Variants in ITCH observed in about 807,000 individuals in gnomAD.
ITCH encodes the protein itchy E3 ubiquitin protein ligase.
A neutral mutation model predicts 126.8 loss-of-function variants in ITCH; 28 were observed. The ratio of observed to expected loss-of-function variants is 0.22; its 90% CI spans 0.16 to 0.30. The LOEUF (loss-of-function observed/expected upper bound fraction) is 0.30, where lower values mean the gene tolerates loss of function less well. ITCH is among the 10% of genes least tolerant of loss of function. The pLI is 1.00. For synonymous variants in ITCH, 342 were observed against 340.0 expected (o/e 1.01, Z -0.06); for missense variants, 631 against 1,032.4 (o/e 0.61, Z 5.33).
chr20:34,479,965 C>T (rs557623362), intron 18 of ITCH, among the ~76,000 whole-genome samples, 176 bp downstream of exon 18: 1 of 152,288 alleles, frequency 6.6e-6, no homozygotes, highest in Non-Finnish European at 1.5e-5. Context: ...GTGACACGAT[C>T]TTGGCTCACT....
intron 12 of ITCH, among the ~76,000 whole-genome samples, chr20:34,453,872 T>C (rs1465424458): frequency 6.6e-6 from 1 of 151,528 alleles, no homozygotes; most frequent in African/African-American, 2.4e-5. Flanking sequence ...TGGACGTCTG[T>C]AGTACCAGCT....
intron 7 of ITCH, among the ~76,000 whole-genome samples, chr20:34,430,964 G>C (rs1031150054): frequency 1.7e-4 from 26 of 152,316 alleles, no homozygotes; most frequent in African/African-American, 6.0e-4. Context: ...AGAGTAGAGG[G>C]AGAATGTGAA....
At position 34,509,940 on chromosome 20, in the gene ITCH, T is replaced by C. The variant is rs1454640757; in HGVS notation, c.*2146T>C. ...TTTTTTGGTTCTATATAATGCTTCA[T>C]GATTCATTTAGGGACCTAGAAATAT... On this transcript the variant is annotated 3_prime_UTR_variant, in exon 25 of 25. Coordinates refer to ENST00000374864, the MANE Select transcript of ITCH (RefSeq NM_031483.7). 1 of 152,626 alleles carries C rather than the reference T, an allele frequency of 6.6e-6. No individual in the cohort carries two copies. Among genetic ancestry groups the C allele is most frequent in the Non-Finnish European group, 1.5e-5 (1 of 68,036 alleles). 9.5% of individuals were successfully genotyped at this position (152,626 alleles called of 1,614,324 possible).
Position 34,501,087 on chromosome 20 carries a change from G to T in ITCH, c.2417-3244G>T, listed in dbSNP as rs192601176. Among the ~76,000 whole-genome samples, 56 of 152,312 alleles carry T rather than the reference G, an allele frequency of 3.7e-4. No individual in the cohort carries two copies. The East Asian group carries it at 9.5e-3, about 26-fold the overall frequency. Reference sequence around the variant, plus strand: ...ATCTCATTCTCTCCTGGTCTGTAAGGTTTCTGCAGAGGCAGCCATCTAGTT... The same window carrying T: ...ATCTCATTCTCTCCTGGTCTGTAAGTTTTCTGCAGAGGCAGCCATCTAGTT... On this transcript the variant is annotated intron_variant, in intron 23 of 24. Coordinates refer to ENST00000374864, the MANE Select transcript of ITCH (RefSeq NM_031483.7).
chr20:34,390,876 CGAGTAGCTG>C (rs2038466163), intron 2 of ITCH, among the ~76,000 whole-genome samples: 2 of 151,862 alleles, frequency 1.3e-5, no homozygotes, highest in South Asian at 4.2e-4. Context: ...CTCAGACTTC[CGAGTAGCTG>C]GAATTACAAG....
At chr20:34,367,793 G>T (rs989888810) in intron 1 of ITCH, among the ~76,000 whole-genome samples, 25 of 152,258 alleles carry the variant, frequency 1.6e-4, no homozygotes, top group African/African-American at 5.5e-4. Flanking sequence ...ACTGGGTTTT[G>T]CAACTCTGGG....
intron 3 of ITCH, among the ~76,000 whole-genome samples, chr20:34,396,485 C>A (rs556215600): frequency 6.6e-6 from 1 of 151,872 alleles, no homozygotes; most frequent in Non-Finnish European, 1.5e-5. Flanking sequence ...TGTGTGCGCG[C>A]GTGCATATGT....
intron 22 of ITCH, 138 bp from the exon 23 acceptor site, chr20:34,492,363 C>A: frequency 1.7e-6 from 1 of 595,000 alleles, no homozygotes. Flanking sequence ...CATCACTGCA[C>A]CCCAGCCTGG....
chr20:34,374,086 T>C (rs1029845589), intron 2 of ITCH, among the ~76,000 whole-genome samples: 10 of 152,242 alleles, frequency 6.6e-5, no homozygotes, highest in Admixed American at 3.9e-4. Context: ...GGTTTCACCA[T>C]GTTGGCCAGG....
chr20:34,470,327 A>G (rs1238268418), intron 15 of ITCH, among the ~76,000 whole-genome samples: 1 of 152,076 alleles, frequency 6.6e-6, no homozygotes, highest in Non-Finnish European at 1.5e-5. Flanking sequence ...AACCTCATGT[A>G]ATCCCAGCAC....
chr20:34,399,806 A>C (rs975469489), intron 3 of ITCH, among the ~76,000 whole-genome samples: 1 of 151,620 alleles, frequency 6.6e-6, no homozygotes, highest in African/African-American at 2.4e-5. Context: ...GCACCCCTAC[A>C]CTCCAGTGGC....
Position 34,453,633 on chromosome 20 carries a change from T to G in ITCH, c.1211-3757T>G, listed in dbSNP as rs1252998555. ...AGAGAGAAAAAAGTTGAGTATGTGC[T>G]CAGCTATATACTTAGGGTATTATTT... On this transcript the variant is annotated intron_variant, in intron 12 of 24. Transcript: ENST00000374864. Among the ~76,000 whole-genome samples, 35 of 152,112 alleles carry G rather than the reference T, an allele frequency of 2.3e-4. 1 individual carries two copies. The highest frequency in any genetic ancestry group is 2.3e-3 in the Admixed American group (35 of 15,266).
intron 2 of ITCH, chr20:34,384,215 A>G (rs2038181746): frequency 6.8e-6 from 1 of 146,058 alleles, no homozygotes; most frequent in South Asian, 2.2e-4. Context: ...GAAATCTGTA[A>G]CTGGTTGTGA....
intron 10 of ITCH, 93 bp from the exon 11 acceptor site, chr20:34,445,194 A>G: frequency 7.5e-7 from 1 of 1,342,068 alleles, no homozygotes; most frequent in Non-Finnish European, 1.0e-6. Context: ...GACTCCAGAT[A>G]AATCAAAAGT....
chr20:34,391,121 G>A (rs1568881202), intron 2 of ITCH, among the ~76,000 whole-genome samples: 1 of 152,184 alleles, frequency 6.6e-6, no homozygotes, highest in Admixed American at 6.5e-5. Context: ...GCTCAGGGGA[G>A]AGGATGGGAC....
intron 2 of ITCH, among the ~76,000 whole-genome samples, chr20:34,375,862 T>G (rs2037824723): frequency 6.6e-6 from 1 of 151,606 alleles, no homozygotes; most frequent in Non-Finnish European, 1.5e-5. Flanking sequence ...TTTTCAAAAT[T>G]AAAAAGGAAA....
chr20:34,379,874 G>T (rs2037987956), intron 2 of ITCH, among the ~76,000 whole-genome samples: 1 of 145,336 alleles, frequency 6.9e-6, no homozygotes. Context: ...TGGGATTACA[G>T]GCGTGAACCA....
intron 24 of ITCH, among the ~76,000 whole-genome samples, chr20:34,505,801 A>G (rs1158185270): frequency 1.3e-5 from 2 of 152,030 alleles, no homozygotes; most frequent in Non-Finnish European, 2.9e-5. Context: ...TGATCCACCC[A>G]CTTTGGCCTC....
Position 34,440,300 on chromosome 20 carries a change from C to A in ITCH, c.825C>A (p.Gly275=), listed in dbSNP as rs967861031. The part of the protein sequence containing the change: ...IIPLTISGGS[G]PRPLNPVTQA... Reference sequence around the variant, plus strand: ...CTCTTACTATATCTGGAGGCTCAGGCCCTAGGCCATTAAATCCTGTAACTC... The same window carrying A: ...CTCTTACTATATCTGGAGGCTCAGGACCTAGGCCATTAAATCCTGTAACTC... The change falls in exon 9 of 25, where the codon GGC becomes GGA. Residue 275 remains glycine (G), a synonymous_variant. Transcript: ENST00000374864. 2 of 1,614,064 alleles carry A rather than the reference C, an allele frequency of 1.2e-6. No individual in the cohort carries two copies. Among genetic ancestry groups the A allele is most frequent in the East Asian group, 2.2e-5 (1 of 44,884 alleles).
Sources: gnomAD v4.1 joint callset for allele counts (sites outside exome capture counted in the v4.1 genomes callset) on GRCh38, gnomAD v4.1.1 for gene constraint, MANE v1.5 for transcripts, NCBI Gene and HGNC (gene_info 2026-07-23, HGNC 2026-07-21) for gene names.